Variants in ACTR10 observed in about 807,000 individuals in gnomAD.
The protein encoded by ACTR10 is actin-related protein 10.
ACTR10 carries 43 observed loss-of-function variants against 56.2 expected under a neutral mutation model. The observed-to-expected ratio is 0.77, with a 90% CI of 0.60 to 0.99. The LOEUF (loss-of-function observed/expected upper bound fraction) is 0.99, where lower values mean the gene tolerates loss of function less well. Ranked by LOEUF, ACTR10 falls within the 50% of genes least tolerant of loss-of-function variation. The pLI, the probability that ACTR10 is intolerant of heterozygous loss-of-function variation, is 0.00. For missense variants in ACTR10, 466 were observed against 507.8 expected (o/e 0.92, Z 0.79); for synonymous variants, 170 against 176.3 (o/e 0.96, Z 0.28).
intron 2 of ACTR10, among the ~76,000 whole-genome samples, chr14:58,205,587 TTAC>T (rs1316219721): frequency 3.3e-5 from 5 of 152,050 alleles, no homozygotes; most frequent in Admixed American, 6.6e-5. Flanking sequence ...AGTGCTGGGG[TTAC>T]AGGTGTGAGC....
At chr14:58,214,403 C>CTT (rs918510927) in intron 6 of ACTR10, among the ~76,000 whole-genome samples, 1 of 144,128 alleles carries the variant, frequency 6.9e-6, no homozygotes, top group African/African-American at 2.5e-5. Flanking sequence ...ACATTTTTTT[C>CTT]TTTTTTTTTT....
intron 2 of ACTR10, among the ~76,000 whole-genome samples, chr14:58,206,371 C>T (rs1489182267): frequency 5.9e-5 from 9 of 151,330 alleles, no homozygotes; most frequent in East Asian, 1.9e-4. Flanking sequence ...TTAGTAGAGA[C>T]GGGGTTTCGC....
Position 58,223,606 on chromosome 14 carries a change from C to T in ACTR10, c.635-16C>T. Reference sequence around the variant, plus strand: ...TAATAACTAGCCATAATAAGGTCTCCTTTTCTTCCTTAAAGCGCGTACTTG... The same window carrying T: ...TAATAACTAGCCATAATAAGGTCTCTTTTTCTTCCTTAAAGCGCGTACTTG... On this transcript the variant is annotated splice_polypyrimidine_tract_variant and intron_variant, in intron 8 of 12. Transcript: ENST00000254286. 6.2e-7 allele frequency: 1 copy of T among 1,600,182 alleles called. No individual in the cohort carries two copies.
intron 2 of ACTR10, among the ~76,000 whole-genome samples, chr14:58,203,586 T>C (rs1594802458): frequency 6.6e-6 from 1 of 152,254 alleles, no homozygotes; most frequent in African/African-American, 2.4e-5. Flanking sequence ...GTACATTTTA[T>C]GTAAATGGAA....
intron 1 of ACTR10, among the ~76,000 whole-genome samples, chr14:58,202,528 G>A (rs774317869): frequency 1.3e-4 from 19 of 151,804 alleles, no homozygotes; most frequent in Non-Finnish European, 4.4e-5. Context: ...AGCTTGCAGT[G>A]AGCCGAGATC....
At chr14:58,202,453 C>T (rs1032340440) in intron 1 of ACTR10, among the ~76,000 whole-genome samples, 3 of 151,608 alleles carry the variant, frequency 2.0e-5, no homozygotes, top group Non-Finnish European at 2.9e-5. Context: ...GCGTGGTGGC[C>T]GGCACCTGTA....
intron 6 of ACTR10, among the ~76,000 whole-genome samples, 200 bp from the exon 7 acceptor site, chr14:58,215,005 C>G (rs1213523922): frequency 6.6e-6 from 1 of 151,702 alleles, no homozygotes; most frequent in Non-Finnish European, 1.5e-5. Flanking sequence ...ACTCGAGAGG[C>G]TGAGGCAGGA....
At chr14:58,200,890 G>C (rs1888689017) in intron 1 of ACTR10, among the ~76,000 whole-genome samples, 1 of 152,186 alleles carries the variant, frequency 6.6e-6, no homozygotes. Context: ...ATAGAGAGGA[G>C]GTTCTCAACC....
chr14:58,218,532 T>C (rs912646121), intron 7 of ACTR10, among the ~76,000 whole-genome samples: 1 of 152,090 alleles, frequency 6.6e-6, no homozygotes, highest in African/African-American at 2.4e-5. Flanking sequence ...TTATACTTAC[T>C]AAAGATAAAA....
In ACTR10 at chr14:58,232,258, T is replaced by TG; in HGVS notation, c.1065dup (p.Leu356ValfsTer24). 6.2e-7 allele frequency: 1 copy of TG among 1,612,504 alleles called. No individual in the cohort carries two copies. The highest frequency in any genetic ancestry group is 2.2e-5 in the East Asian group (1 of 44,842). On this transcript the variant is annotated frameshift_variant, in exon 12 of 13. Transcript: ENST00000254286. LOFTEE classifies it high-confidence loss of function. ...ACCTGCAAAAGCTAATTGTGTGGCC[T>TG]GGTTGGGAGGTAAGAATTTCACTTT...
At chr14:58,204,147 C>T (rs562412906) in intron 2 of ACTR10, among the ~76,000 whole-genome samples, 26 of 151,306 alleles carry the variant, frequency 1.7e-4, no homozygotes, top group African/African-American at 6.1e-4. Context: ...TTTGGGAGGC[C>T]GAGGCGGGCA....
intron 12 of ACTR10, among the ~76,000 whole-genome samples, chr14:58,233,236 G>T (rs999036711): frequency 3.3e-5 from 5 of 152,116 alleles, no homozygotes; most frequent in Admixed American, 3.3e-4. Flanking sequence ...ATGAAAATTG[G>T]CCTCTTTAAT....
At chr14:58,229,045 C>A (rs534524980) in intron 10 of ACTR10, among the ~76,000 whole-genome samples, 4 of 152,000 alleles carry the variant, frequency 2.6e-5, no homozygotes, top group African/African-American at 9.6e-5. Flanking sequence ...AATATGATAT[C>A]AAAACTAGTA....
At chr14:58,234,256 A>G (rs1211623911) in intron 12 of ACTR10, 114 bp from the exon 13 acceptor site, 2 of 802,214 alleles carry the variant, frequency 2.5e-6, no homozygotes, top group Non-Finnish European at 3.8e-6. Context: ...GTGGCTATGC[A>G]TTGCTGAATT....
At chr14:58,230,633 A>G (rs1334860394) in intron 11 of ACTR10, among the ~76,000 whole-genome samples, 153 bp downstream of exon 11, 1 of 152,196 alleles carries the variant, frequency 6.6e-6, no homozygotes, top group Non-Finnish European at 1.5e-5. Context: ...TAATTTTTAC[A>G]GAATACGGTC....
chr14:58,215,906 T>G (rs1398019610), intron 7 of ACTR10, among the ~76,000 whole-genome samples: 2 of 152,228 alleles, frequency 1.3e-5, no homozygotes, highest in East Asian at 3.9e-4. Context: ...GTCTCCCGTT[T>G]TACAAAACTG....
Position 58,235,324 on chromosome 14 carries a change from T to A in ACTR10, c.*773T>A, listed in dbSNP as rs1484168977. Reference sequence around the variant, plus strand: ...GTCCATATTATAATAATGTTGTTTTTCCAGAAATATATTTGATCTTTGGAC... The same window carrying A: ...GTCCATATTATAATAATGTTGTTTTACCAGAAATATATTTGATCTTTGGAC... On this transcript the variant is annotated 3_prime_UTR_variant, in exon 13 of 13. Transcript: ENST00000254286. 1 of 152,200 alleles carries A rather than the reference T, an allele frequency of 6.6e-6. No individual in the cohort carries two copies. The highest frequency in any genetic ancestry group is 1.5e-5 in the Non-Finnish European group (1 of 68,044). The allele number at this position is 152,200 out of a possible 1,614,324, so 9.4% of individuals were successfully genotyped here. A position where few individuals can be genotyped will look rare whatever the true frequency, so the allele number is the denominator to read the frequency against.
chr14:58,231,587 A>T (rs1163644736), intron 11 of ACTR10, among the ~76,000 whole-genome samples: 1 of 152,142 alleles, frequency 6.6e-6, no homozygotes, highest in African/African-American at 2.4e-5. Context: ...ATCATCGCTA[A>T]CTCTTAAAGA....
chr14:58,211,404 C>CT lies in ACTR10; in HGVS notation c.450+11dup, dbSNP rs1888991331. The CT allele has an allele frequency of 6.2e-7, 1 of 1,604,004 alleles. No individual in the cohort carries two copies. The highest frequency in any genetic ancestry group is 8.5e-7 in the Non-Finnish European group (1 of 1,172,326). ...AGGGAAAGCCTGGTGTTACCCATATCTTTTTTGTCAGCCAGCCACCTTTGC... is the reference window on the plus strand; with the variant it reads ...AGGGAAAGCCTGGTGTTACCCATATCTTTTTTTGTCAGCCAGCCACCTTTGC... On this transcript the variant is annotated splice_donor_region_variant and intron_variant, in intron 5 of 12. Coordinates refer to ENST00000254286, the MANE Select transcript of ACTR10 (RefSeq NM_018477.3).
Sources: gnomAD v4.1 joint callset for allele counts (sites outside exome capture counted in the v4.1 genomes callset) on GRCh38, gnomAD v4.1.1 for gene constraint, MANE v1.5 for transcripts, NCBI Gene and HGNC (gene_info 2026-07-23, HGNC 2026-07-21) for gene names.